The following ZNF317 variants were observed in gnomAD, a reference collection of about 807,000 sequenced individuals.
ZNF317 encodes the protein KRAB-containing zinc finger protein 317.
In ZNF317, 17 loss-of-function variants were observed where a neutral mutation model predicts 23.4. The ratio of observed to expected loss-of-function variants is 0.73; its 90% CI spans 0.50 to 1.09. ZNF317 has a LOEUF of 1.09. Among genes scored for constraint, ZNF317 ranks in the 50% least tolerant of loss-of-function variants. The pLI is 0.00. For missense variants in ZNF317, 679 were observed against 796.7 expected, an observed-to-expected ratio of 0.85 and a Z score of 1.78; for synonymous variants, 317 against 314.9, an observed-to-expected ratio of 1.01 and a Z score of -0.07.
At chr19:9,145,982 A>AATTATT (rs138875341) in intron 1 of ZNF317, among the ~76,000 whole-genome samples, 1 of 151,546 alleles carries the variant, frequency 6.6e-6, no homozygotes, top group Non-Finnish European at 1.5e-5. Context: ...TTAAGAAACA[A>AATTATT]ATTATTATTA....
At position 9,160,343 on chromosome 19, in the gene ZNF317, C is replaced by T. The variant is rs1284132286; in HGVS notation, c.698C>T (p.Thr233Met). ...CATCAGTGCCAAAAAGCCTTCACCA[C>T]GAGCGCGTCCCTCACACGGCACAGG... ...ECHQCQKAFT[T>M]SASLTRHRRI... Residue 233 changes from threonine (T) to methionine (M), a missense_variant, in exon 7 of 7, where the codon ACG becomes ATG. Thr to Met is a moderately conservative substitution (Grantham distance 81). Transcript: ENST00000247956. The surrounding 1 kb of genome is among the most constrained non-coding windows in gnomAD (Gnocchi z 6.8). 2.5e-6 allele frequency: 4 copies of T among 1,614,082 alleles called. No homozygotes were observed. Among genetic ancestry groups the T allele is most frequent in the East Asian group, 2.2e-5 (1 of 44,884 alleles).
intron 2 of ZNF317, 44 bp downstream of exon 2, chr19:9,156,085 G>T (rs757271826): frequency 6.2e-7 from 1 of 1,613,012 alleles, no homozygotes; most frequent in South Asian, 1.1e-5. Flanking sequence ...GTGAGTGCAA[G>T]TGGCCCCTGC....
Position 9,162,569 on chromosome 19 carries a change from C to G in ZNF317, c.*1136C>G, listed in dbSNP as rs1202162066. On this transcript the variant is annotated 3_prime_UTR_variant, in exon 7 of 7. Transcript: ENST00000247956. The stretch of plus-strand genomic sequence containing the variant: ...TACTCTTTCATCACGGAAACAGACC[C>G]CCCGAGAGAAGCCCCAACGAGATTT... 6.6e-6 allele frequency: 1 copy of G among 151,674 alleles called. No individual in the cohort carries two copies. Among genetic ancestry groups the G allele is most frequent in the African/African-American group, 2.4e-5 (1 of 41,204 alleles). The allele number at this position is 151,674 out of a possible 1,614,324, so 9.4% of individuals were successfully genotyped here.
chr19:9,158,108 G>T, intron 5 of ZNF317, 33 bp downstream of exon 5: 2 of 1,541,614 alleles, frequency 1.3e-6, no homozygotes, highest in South Asian at 2.4e-5. Context: ...GCGGTGCTGT[G>T]ACTCTACCTC....
intron 1 of ZNF317, among the ~76,000 whole-genome samples, chr19:9,153,982 C>G (rs2050759695): frequency 1.3e-5 from 2 of 152,054 alleles, no homozygotes; most frequent in South Asian, 4.1e-4. Context: ...TGGGATAGAC[C>G]TGAGCATGTG....
In ZNF317 at chr19:9,151,968, G is replaced by A. The variant is rs565580083; in HGVS notation, c.-92-3957G>A. 6.6e-4 allele frequency among the ~76,000 whole-genome samples: 97 copies of A among 146,938 alleles called. 1 individual carries two copies. The highest frequency in any genetic ancestry group is 2.1e-3 in the African/African-American group (83 of 39,508). The stretch of plus-strand genomic sequence containing the variant: ...GTCGCCCAGGCTGGAGTGCAGTGGC[G>A]CAATCTCGGCTCACTGCAAGCTCCG... On this transcript the variant is annotated intron_variant, in intron 1 of 6. Coordinates refer to ENST00000247956, the MANE Select transcript of ZNF317 (RefSeq NM_020933.5).
chr19:9,141,821 T>G (rs1179878131), intron 1 of ZNF317, among the ~76,000 whole-genome samples: 1 of 152,200 alleles, frequency 6.6e-6, no homozygotes, highest in African/African-American at 2.4e-5. Context: ...GTTTTTTCCT[T>G]TTTGAGATGG....
At chr19:9,153,875 G>A (rs1416358042) in intron 1 of ZNF317, among the ~76,000 whole-genome samples, 1 of 152,164 alleles carries the variant, frequency 6.6e-6, no homozygotes, top group African/African-American at 2.4e-5. Context: ...GTGGATGCTG[G>A]GTGTACTGAA....
In ZNF317 at chr19:9,160,206, G is replaced by T. The variant is rs753863319; in HGVS notation, c.561G>T (p.Arg187Ser). The T allele has an allele frequency of 1.2e-6, 2 of 1,614,140 alleles. No homozygotes were observed. Among genetic ancestry groups the T allele is most frequent in the Non-Finnish European group, 1.7e-6 (2 of 1,180,024 alleles). The change falls in exon 7 of 7, where the codon AGG becomes AGT. Residue 187 changes from arginine to serine, a missense_variant. Physicochemically the swap from Arg to Ser is moderately radical, Grantham distance 110 (BLOSUM62 -1). Transcript: ENST00000247956. The surrounding 1 kb of genome is among the most constrained non-coding windows in gnomAD (Gnocchi z 6.8). ...CTCATCTCACTCAGCCAATGGGAAG[G>T]CACGCTGGCAAGAGGCCCTATCACC... ...MDPHLTQPMG[R>S]HAGKRPYHRR...
intron 1 of ZNF317, among the ~76,000 whole-genome samples, chr19:9,142,220 G>C (rs1297420701): frequency 6.6e-6 from 1 of 152,184 alleles, no homozygotes; most frequent in Non-Finnish European, 1.5e-5. Context: ...TAGTTTGTTG[G>C]ATGTTCTTCG....
intron 1 of ZNF317, among the ~76,000 whole-genome samples, chr19:9,154,767 G>A (rs749515591): frequency 1.1e-4 from 16 of 152,178 alleles, no homozygotes; most frequent in South Asian, 2.1e-4. Context: ...CAGATAGTCA[G>A]TGTGCTTGTT....
intron 1 of ZNF317, among the ~76,000 whole-genome samples, chr19:9,145,747 C>G (rs183087166): frequency 2.0e-5 from 3 of 152,184 alleles, no homozygotes; most frequent in Non-Finnish European, 2.9e-5. Flanking sequence ...CTTCTGCCCC[C>G]ACGTGGTTCT....
chr19:9,141,119 C>G (rs148268032), intron 1 of ZNF317, among the ~76,000 whole-genome samples: 4 of 151,996 alleles, frequency 2.6e-5, no homozygotes, highest in Non-Finnish European at 5.9e-5. Flanking sequence ...CTATTCAGTT[C>G]AACATTTTGT....
Position 9,161,293 on chromosome 19 carries a change from C to A in ZNF317, c.1648C>A (p.Arg550=), listed in dbSNP as rs9305035. The change falls in exon 7 of 7, where the codon CGG becomes AGG. Residue 550 remains arginine (R), a synonymous_variant. Coordinates refer to ENST00000247956, the MANE Select transcript of ZNF317 (RefSeq NM_020933.5). This position sits in a 1 kb window ranked among gnomAD's most constrained non-coding sequence, Gnocchi z 4.0. ...AGGCTCCAACCTGAATGTGCACAGG[C>A]GGATCCACACCGGGGAGAAGCCCTA... is the stretch of plus-strand genomic sequence containing the variant. ...SIGSNLNVHR[R]IHTGEKPYEC... The A allele has an allele frequency of 0.073, 116,444 of 1,603,104 alleles. 4,812 individuals carry two copies. The highest frequency in any genetic ancestry group is 0.17 in the African/African-American group (12,710 of 74,442).
intron 1 of ZNF317, among the ~76,000 whole-genome samples, chr19:9,143,217 T>C (rs2050650224): frequency 6.6e-6 from 1 of 152,178 alleles, no homozygotes; most frequent in Admixed American, 6.5e-5. Context: ...GCATTTGTAA[T>C]GTTATCCACT....
intron 1 of ZNF317, among the ~76,000 whole-genome samples, chr19:9,143,064 G>A (rs956765370): frequency 3.9e-5 from 6 of 152,072 alleles, no homozygotes; most frequent in African/African-American, 1.4e-4. Flanking sequence ...TATTGTTTCT[G>A]TTCTTTTAAG....
chr19:9,157,421 A>G (rs2050795880), intron 4 of ZNF317, 27 bp downstream of exon 4: 3 of 1,613,278 alleles, frequency 1.9e-6, no homozygotes, highest in Non-Finnish European at 2.5e-6. Context: ...TTCTCCACTT[A>G]TTCATCCATG....
chr19:9,143,927 T>G (rs1253903410), intron 1 of ZNF317, among the ~76,000 whole-genome samples: 2 of 151,222 alleles, frequency 1.3e-5, no homozygotes, highest in Non-Finnish European at 3.0e-5. Flanking sequence ...AGCTTTCTTT[T>G]TTTTTTTTTT....
chr19:9,148,623 T>C (rs1306296894), intron 1 of ZNF317, among the ~76,000 whole-genome samples: 1 of 152,192 alleles, frequency 6.6e-6, no homozygotes, highest in Non-Finnish European at 1.5e-5. Flanking sequence ...TCATCATCCA[T>C]TCATTCTTTC....
Sources: allele counts gnomAD v4.1 joint callset (sites outside exome capture counted in the v4.1 genomes callset), GRCh38; gene constraint gnomAD v4.1.1; non-coding constraint Gnocchi (gnomAD v3.1); transcripts MANE v1.5; gene names NCBI Gene and HGNC (gene_info 2026-07-23, HGNC 2026-07-21).